The following COL4A2 variants were observed in gnomAD, a reference collection of about 807,000 sequenced individuals.
The protein encoded by COL4A2 is collagen alpha-2(IV) chain.
A neutral mutation model predicts 200.2 loss-of-function variants in COL4A2; 99 were observed. The ratio of observed to expected loss-of-function variants is 0.49; its 90% CI spans 0.42 to 0.58. The LOEUF is 0.58. Ranked by LOEUF, COL4A2 falls within the 20% of genes least tolerant of loss-of-function variation. COL4A2 has a pLI of 0.00. For synonymous variants in COL4A2, 897 were observed against 900.6 expected (o/e 1.00, Z 0.07); for missense variants, 1,950 against 2,314.1 (o/e 0.84, Z 3.23).
intron 12 of COL4A2, 158 bp from the exon 13 acceptor site, chr13:110,436,111 T>C (rs374616910): frequency 2.1e-4 from 225 of 1,077,440 alleles, no homozygotes; most frequent in Non-Finnish European, 2.8e-4. Context: ...ACATTAGGAT[T>C]ACTCTATTTT....
rs1166374629 is a variant in COL4A2 at position 110,357,466 on chromosome 13, T to C, written c.100-6T>C. Reference sequence around the variant, plus strand: ...CTTTTCTTTGCCTTGTGTTTTATTGTTGCAGGGTGTGAAGAAGTTTGATGT... The same window carrying C: ...CTTTTCTTTGCCTTGTGTTTTATTGCTGCAGGGTGTGAAGAAGTTTGATGT... On this transcript the variant is annotated splice_region_variant and splice_polypyrimidine_tract_variant and intron_variant, in intron 3 of 47. Transcript: ENST00000360467. 2 of 1,583,800 alleles carry C rather than the reference T, an allele frequency of 1.3e-6. No individual in the cohort carries two copies. The highest frequency in any genetic ancestry group is 1.7e-5 in the Admixed American group (1 of 57,346).
At chr13:110,511,847 CAA>C (rs775722487) in intron 47 of COL4A2, 85 bp from the exon 48 acceptor site, 1 of 1,589,958 alleles carries the variant, frequency 6.3e-7, no homozygotes, top group Non-Finnish European at 8.5e-7. Flanking sequence ...TCAGTAAAAA[CAA>C]ATGCACAGAA....
intron 3 of COL4A2, among the ~76,000 whole-genome samples, chr13:110,313,228 C>T (rs1594139349): frequency 6.6e-6 from 1 of 152,218 alleles, no homozygotes; most frequent in Non-Finnish European, 1.5e-5. Context: ...CTCTGGTGCC[C>T]ACTCCCTTCA....
chr13:110,414,950 T>C (rs1170407394), intron 4 of COL4A2, among the ~76,000 whole-genome samples: 1 of 152,222 alleles, frequency 6.6e-6, no homozygotes, highest in Non-Finnish European at 1.5e-5. Context: ...ATTATCTTTT[T>C]CCCCTGTCTT....
intron 4 of COL4A2, among the ~76,000 whole-genome samples, chr13:110,397,502 A>C (rs1357172148): frequency 1.3e-5 from 2 of 152,208 alleles, no homozygotes; most frequent in Non-Finnish European, 2.9e-5. Flanking sequence ...AAACATTTGA[A>C]CTTTTTTCAG....
intron 33 of COL4A2, among the ~76,000 whole-genome samples, chr13:110,485,250 G>A (rs998597284): frequency 5.9e-5 from 9 of 152,284 alleles, no homozygotes; most frequent in Admixed American, 4.6e-4. Context: ...CTGGCCGGGC[G>A]CGGTGGCTCA....
At chr13:110,492,199 G>C (rs1336385299) in intron 38 of COL4A2, 22 bp downstream of exon 38, 1 of 1,546,542 alleles carries the variant, frequency 6.5e-7, no homozygotes, top group Non-Finnish European at 8.8e-7. Flanking sequence ...TAAAACACGT[G>C]GTCACCCAGA....
chr13:110,311,447 G>A (rs1204141824), intron 3 of COL4A2, among the ~76,000 whole-genome samples: 1 of 152,172 alleles, frequency 6.6e-6, no homozygotes, highest in Admixed American at 6.5e-5. Context: ...AGTCTGGTGG[G>A]CAGCTGAGGG....
chr13:110,430,527 C>T lies in COL4A2; in HGVS notation c.586-18C>T. The T allele has an allele frequency of 6.2e-7, 1 of 1,614,178 alleles. No individual in the cohort carries two copies. On this transcript the variant is annotated intron_variant, in intron 9 of 47. Transcript: ENST00000360467. ...AGTTTACCTCTCTTAAAAACATTCT[C>T]CCGCTGCCTATCCATAGGGACCTCC... is the stretch of plus-strand genomic sequence containing the variant.
intron 3 of COL4A2, among the ~76,000 whole-genome samples, chr13:110,328,959 G>A (rs1875773407): frequency 6.6e-6 from 1 of 152,180 alleles, no homozygotes; most frequent in South Asian, 2.1e-4. Context: ...GAACCTTCTA[G>A]TAGTCCAAAA....
chr13:110,474,808 A>T (rs1157990727), intron 29 of COL4A2, among the ~76,000 whole-genome samples: 9 of 137,984 alleles, frequency 6.5e-5, no homozygotes, highest in African/African-American at 8.5e-5. Context: ...CTCACACATG[A>T]TCACACATGC....
intron 4 of COL4A2, among the ~76,000 whole-genome samples, chr13:110,387,341 CG>C (rs1878796382): frequency 6.6e-6 from 1 of 152,236 alleles, no homozygotes. Context: ...ATAGCCTTGC[CG>C]AGGGCCAGAC....
chr13:110,467,761 G>C lies in COL4A2; in HGVS notation c.2095+665G>C, dbSNP rs141369387. ...GGGCCTGTGAGCATCGGGGAACACA[G>C]AGCCAGGGCTTCCACTCAAGCAGGA... is the stretch of plus-strand genomic sequence containing the variant. On this transcript the variant is annotated intron_variant, in intron 27 of 47. Transcript: ENST00000360467. Among the ~76,000 whole-genome samples the C allele has an allele frequency of 5.2e-4, 79 of 152,368 alleles. 1 individual carries two copies. In the East Asian group the frequency reaches 0.015, roughly 29 times the overall value.
chr13:110,395,789 A>G (rs1405906425), intron 4 of COL4A2, among the ~76,000 whole-genome samples: 2 of 152,144 alleles, frequency 1.3e-5, no homozygotes, highest in Admixed American at 6.5e-5. Flanking sequence ...TGCTAAAAAT[A>G]TAAAAATTAG....
At chr13:110,479,749 C>G (rs555639831) in intron 30 of COL4A2, among the ~76,000 whole-genome samples, 1 of 152,130 alleles carries the variant, frequency 6.6e-6, no homozygotes, top group East Asian at 1.9e-4. Context: ...AAGCTCACGA[C>G]AGTAGCAGTG....
intron 40 of COL4A2, among the ~76,000 whole-genome samples, chr13:110,496,722 G>A (rs544592126): frequency 6.3e-4 from 95 of 151,006 alleles, no homozygotes; most frequent in South Asian, 6.4e-4. Context: ...CTCAGCCAGC[G>A]GTGAGGATCT....
intron 4 of COL4A2, among the ~76,000 whole-genome samples, chr13:110,381,633 C>T (rs141009676): frequency 3.6e-4 from 55 of 152,252 alleles, no homozygotes; most frequent in African/African-American, 1.3e-3. Flanking sequence ...AGCCTCAGGT[C>T]AACAATGTGT....
intron 6 of COL4A2, among the ~76,000 whole-genome samples, chr13:110,426,584 T>C (rs1880478440): frequency 6.6e-6 from 1 of 152,214 alleles, no homozygotes; most frequent in Non-Finnish European, 1.5e-5. Flanking sequence ...TGCAGTAAAA[T>C]CTTAGAGGAG....
chr13:110,423,289 T>C (rs1880328186), intron 4 of COL4A2, among the ~76,000 whole-genome samples: 1 of 152,208 alleles, frequency 6.6e-6, no homozygotes, highest in Admixed American at 6.5e-5. Context: ...AACATTTTTA[T>C]TGTGGTAAAT....
Sources: gnomAD v4.1 joint callset for allele counts (sites outside exome capture counted in the v4.1 genomes callset) on GRCh38, gnomAD v4.1.1 for gene constraint, MANE v1.5 for transcripts, NCBI Gene and HGNC (gene_info 2026-07-23, HGNC 2026-07-21) for gene names.